The following KCNIP4 variants were observed in gnomAD, a reference collection of about 807,000 sequenced individuals.
The protein encoded by KCNIP4 is Kv channel-interacting protein 4.
Under a neutral mutation model 34.0 loss-of-function variants are expected in KCNIP4, and 12 were observed. The ratio of observed to expected loss-of-function variants is 0.35; its 90% CI spans 0.23 to 0.57. KCNIP4 has a LOEUF of 0.57. KCNIP4 is among the 20% of genes least tolerant of loss of function. The pLI is 0.83. For synonymous variants in KCNIP4, 124 were observed against 102.2 expected (o/e 1.21, Z -1.29); for missense variants, 238 against 311.7 (o/e 0.76, Z 1.78).
intron 1 of KCNIP4, among the ~76,000 whole-genome samples, chr4:21,697,146 C>A (rs955342855): frequency 1.3e-5 from 2 of 151,780 alleles, no homozygotes; most frequent in African/African-American, 4.8e-5. Context: ...AAAAATACAT[C>A]CATAGAAGTC....
rs538676604 is a variant in KCNIP4 at position 21,045,748 on chromosome 4, A to G, written c.62-163039T>C. Among the ~76,000 whole-genome samples the G allele has an allele frequency of 2.9e-3, 440 of 152,346 alleles. 4 individuals carry two copies. Among genetic ancestry groups the G allele is most frequent in the Non-Finnish European group, 3.7e-3 (253 of 68,030 alleles). ...TGGAAAAATAAACAGAGAAACCTGAAGAGGAAAAATATGAATACAGCATTA... is the reference window on the plus strand; with the variant it reads ...TGGAAAAATAAACAGAGAAACCTGAGGAGGAAAAATATGAATACAGCATTA... On this transcript the variant is annotated intron_variant, in intron 1 of 8. Transcript: ENST00000382152.
chr4:21,180,663 G>A (rs1754773612), intron 1 of KCNIP4, among the ~76,000 whole-genome samples: 1 of 150,980 alleles, frequency 6.6e-6, no homozygotes, highest in African/African-American at 2.4e-5. Flanking sequence ...GTTTATATGT[G>A]TGTGTGTGTG....
intron 1 of KCNIP4, among the ~76,000 whole-genome samples, chr4:20,943,763 A>C (rs1337306307): frequency 6.6e-6 from 1 of 152,212 alleles, no homozygotes; most frequent in Non-Finnish European, 1.5e-5. Context: ...TATAAGAAAC[A>C]GAGTCAGCTT....
intron 1 of KCNIP4, among the ~76,000 whole-genome samples, chr4:21,133,830 T>C (rs551302234): frequency 6.6e-6 from 1 of 152,328 alleles, no homozygotes; most frequent in East Asian, 1.9e-4. Context: ...CCACCAACTT[T>C]CAAAGAAGGA....
intron 1 of KCNIP4, among the ~76,000 whole-genome samples, chr4:21,177,539 A>G (rs1754501144): frequency 6.6e-6 from 1 of 152,116 alleles, no homozygotes; most frequent in Admixed American, 6.6e-5. Context: ...AAATTATATT[A>G]CATTTGGCAA....
intron 1 of KCNIP4, among the ~76,000 whole-genome samples, chr4:20,929,691 G>A (rs56408646): frequency 0.14 from 20,507 of 151,688 alleles, 1,944 homozygotes; most frequent in African/African-American, 0.28. Flanking sequence ...AAACTTGCAG[G>A]ATACAAAATC....
intron 1 of KCNIP4, among the ~76,000 whole-genome samples, chr4:21,211,835 C>G (rs1757244436): frequency 6.6e-6 from 1 of 151,880 alleles, no homozygotes. Context: ...CAAATCAGGG[C>G]ATAAATAGTA....
At chr4:21,587,366 C>T (rs1741708482) in intron 1 of KCNIP4, among the ~76,000 whole-genome samples, 1 of 151,972 alleles carries the variant, frequency 6.6e-6, no homozygotes, top group South Asian at 2.1e-4. Flanking sequence ...CCACATAAAC[C>T]ATAAAGTGCA....
At position 21,310,035 on chromosome 4, in the gene KCNIP4, T is replaced by A. The variant is rs1712972926; in HGVS notation, c.62-427326A>T. 2.0e-5 allele frequency among the ~76,000 whole-genome samples: 3 copies of A among 152,128 alleles called. No individual in the cohort carries two copies. The South Asian group carries it at 6.2e-4, about 31-fold the overall frequency. On this transcript the variant is annotated intron_variant, in intron 1 of 8. Coordinates refer to ENST00000382152, the MANE Select transcript of KCNIP4 (RefSeq NM_025221.6). ...AAGAAAACTAGTCTTGCCAGATATT[T>A]TTTGGTTTTTTTGAGACAAGGCCTT... is the stretch of plus-strand genomic sequence containing the variant.
chr4:20,745,529 C>A (rs1007069695), intron 5 of KCNIP4, among the ~76,000 whole-genome samples: 7 of 152,148 alleles, frequency 4.6e-5, no homozygotes. Flanking sequence ...ACAAACTTAA[C>A]AACAACTCTC....
chr4:21,185,365 T>G (rs1755135869), intron 1 of KCNIP4, among the ~76,000 whole-genome samples: 1 of 149,198 alleles, frequency 6.7e-6, no homozygotes, highest in Admixed American at 6.6e-5. Flanking sequence ...TTTATCTTCC[T>G]CTTCCTCCTT....
intron 1 of KCNIP4, among the ~76,000 whole-genome samples, chr4:20,980,343 G>A (rs919220261): frequency 1.3e-5 from 2 of 152,220 alleles, no homozygotes; most frequent in Admixed American, 1.3e-4. Context: ...TTAATCTCAT[G>A]AGTGTTCTTT....
chr4:21,652,382 G>A (rs1428361723), intron 1 of KCNIP4, among the ~76,000 whole-genome samples: 1 of 152,144 alleles, frequency 6.6e-6, no homozygotes, highest in Non-Finnish European at 1.5e-5. Flanking sequence ...AGTATAGGGA[G>A]AAATACCTCA....
Position 21,612,025 on chromosome 4 carries a change from G to C in KCNIP4, c.61+336546C>G, listed in dbSNP as rs566480818. 8.5e-5 allele frequency among the ~76,000 whole-genome samples: 13 copies of C among 152,292 alleles called. No homozygotes were observed. The South Asian group carries it at 2.3e-3, about 27-fold the overall frequency. ...CTTTAGAACAGCCAATAATCCATTA[G>C]AGTGAAGACATAATTGTCTTTTTAA... On this transcript the variant is annotated intron_variant, in intron 1 of 8. Coordinates refer to ENST00000382152, the MANE Select transcript of KCNIP4 (RefSeq NM_025221.6).
chr4:21,819,821 C>T (rs1722218027), intron 1 of KCNIP4, among the ~76,000 whole-genome samples: 1 of 152,076 alleles, frequency 6.6e-6, no homozygotes, highest in Non-Finnish European at 1.5e-5. Context: ...GTTTGAGAGA[C>T]ACTTACTTAT....
chr4:20,992,266 A>C (rs1363084678), intron 1 of KCNIP4, among the ~76,000 whole-genome samples: 1 of 152,152 alleles, frequency 6.6e-6, no homozygotes, highest in African/African-American at 2.4e-5. Context: ...CACTTTCTTC[A>C]CAGGGTGGCA....
chr4:20,993,168 G>A (rs368772879), intron 1 of KCNIP4, among the ~76,000 whole-genome samples: 1 of 152,074 alleles, frequency 6.6e-6, no homozygotes, highest in African/African-American at 2.4e-5. Flanking sequence ...CTGGGAGCCA[G>A]ACATGTAGCC....
At chr4:21,523,809 G>A (rs1047015370) in intron 1 of KCNIP4, among the ~76,000 whole-genome samples, 5 of 152,074 alleles carry the variant, frequency 3.3e-5, no homozygotes, top group Non-Finnish European at 5.9e-5. Context: ...CTGGACTCAA[G>A]CGATCCTCTT....
intron 1 of KCNIP4, among the ~76,000 whole-genome samples, chr4:21,286,127 G>A (rs1022908259): frequency 6.6e-5 from 10 of 152,090 alleles, no homozygotes; most frequent in South Asian, 6.2e-4. Context: ...CTTGGTTACC[G>A]CTTTTTTTCT....
Sources: allele counts gnomAD v4.1 joint callset (sites outside exome capture counted in the v4.1 genomes callset), GRCh38; gene constraint gnomAD v4.1.1; transcripts MANE v1.5; gene names NCBI Gene and HGNC (gene_info 2026-07-23, HGNC 2026-07-21).